The following ASTN2 variants were observed in gnomAD, a reference collection of about 807,000 sequenced individuals.
ASTN2 encodes astrotactin 2, also known as astrotactin-2.
ASTN2 carries 54 observed loss-of-function variants against 139.8 expected under a neutral mutation model. The ratio of observed to expected loss-of-function variants is 0.39; its 90% CI spans 0.31 to 0.48. ASTN2 has a LOEUF of 0.48. ASTN2 is among the 20% of genes least tolerant of loss of function. The pLI is 0.95. For missense variants in ASTN2, 1,565 were observed against 1,725.1 expected (o/e 0.91, Z 1.64); for synonymous variants, 756 against 719.5 (o/e 1.05, Z -0.81).
intron 16 of ASTN2, among the ~76,000 whole-genome samples, chr9:116,715,295 A>G (rs1308742702): frequency 6.6e-6 from 1 of 152,162 alleles, no homozygotes; most frequent in Non-Finnish European, 1.5e-5. Context: ...ACTGAGGCCC[A>G]GTGACATTCA....
At chr9:117,401,075 A>C (rs569175941) in intron 1 of ASTN2, among the ~76,000 whole-genome samples, 1 of 152,332 alleles carries the variant, frequency 6.6e-6, no homozygotes, top group South Asian at 2.1e-4. Flanking sequence ...AGTGCCGGGT[A>C]CTGCTGAACA....
chr9:116,492,729 CTG>C (rs1849554489), intron 19 of ASTN2, among the ~76,000 whole-genome samples: 1 of 152,204 alleles, frequency 6.6e-6, no homozygotes, highest in South Asian at 2.1e-4. Context: ...GCACCAGACA[CTG>C]TGCTAGGTAC....
intron 19 of ASTN2, chr9:116,568,395 G>A (rs963537588): frequency 6.6e-6 from 1 of 152,056 alleles, no homozygotes; most frequent in Admixed American, 6.6e-5. Context: ...ATGTTAAGTA[G>A]ATGAAAGACC....
At chr9:117,384,445 G>T (rs1483009598) in intron 1 of ASTN2, among the ~76,000 whole-genome samples, 1 of 152,186 alleles carries the variant, frequency 6.6e-6, no homozygotes, top group East Asian at 1.9e-4. Flanking sequence ...TTTGCTACCA[G>T]ATAAATGACT....
chr9:117,247,287 G>A (rs545610381), intron 2 of ASTN2, among the ~76,000 whole-genome samples: 2 of 152,306 alleles, frequency 1.3e-5, no homozygotes, highest in South Asian at 4.1e-4. Flanking sequence ...TTAACTTAGG[G>A]TCTTTTGAGG....
chr9:117,298,096 T>A (rs1834780662), intron 1 of ASTN2, among the ~76,000 whole-genome samples: 1 of 152,220 alleles, frequency 6.6e-6, no homozygotes, highest in African/African-American at 2.4e-5. Flanking sequence ...ACTGACCATA[T>A]AATTCCATTG....
At chr9:116,472,929 A>AG (rs1564300907) in intron 20 of ASTN2, among the ~76,000 whole-genome samples, 1 of 8,712 alleles carries the variant, frequency 1.1e-4, no homozygotes, top group East Asian at 0.014. Flanking sequence ...TCTGTCTTGG[A>AG]AAAAAAAAAA....
At chr9:117,153,529 G>A (rs538383996) in intron 3 of ASTN2, among the ~76,000 whole-genome samples, 6 of 152,192 alleles carry the variant, frequency 3.9e-5, no homozygotes, top group East Asian at 3.9e-4. Flanking sequence ...TTATAAATGC[G>A]TGAGTGAGGC....
chr9:116,855,052 T>G (rs531645632), intron 11 of ASTN2, among the ~76,000 whole-genome samples: 1 of 152,070 alleles, frequency 6.6e-6, no homozygotes, highest in African/African-American at 2.4e-5. Context: ...TAACAGATAA[T>G]GACTTCCACA....
chr9:116,872,611 C>A (rs1833195199), intron 10 of ASTN2, among the ~76,000 whole-genome samples: 1 of 152,080 alleles, frequency 6.6e-6, no homozygotes, highest in South Asian at 2.1e-4. Flanking sequence ...ATAAGTGAGG[C>A]CACAGGACCA....
chr9:116,432,089 G>A (rs939212599), intron 22 of ASTN2, among the ~76,000 whole-genome samples: 1 of 152,136 alleles, frequency 6.6e-6, no homozygotes, highest in East Asian at 1.9e-4. Context: ...AAAGGCATGA[G>A]AGCCTTGATT....
intron 1 of ASTN2, among the ~76,000 whole-genome samples, chr9:117,385,267 G>C (rs1042125297): frequency 6.6e-6 from 1 of 152,094 alleles, no homozygotes; most frequent in African/African-American, 2.4e-5. Context: ...TAGGATTATA[G>C]GCATAAACCA....
Position 117,133,867 on chromosome 9 carries a change from C to T in ASTN2, c.1168+7459G>A, listed in dbSNP as rs112903700. ...AGGAAGAAGTTCAAGCTGCAAAAAGCGCATAGAGGTGGAGGTAAAAGGAGT... is the reference window on the plus strand; with the variant it reads ...AGGAAGAAGTTCAAGCTGCAAAAAGTGCATAGAGGTGGAGGTAAAAGGAGT... On this transcript the variant is annotated intron_variant, in intron 4 of 22. Transcript: ENST00000313400. Among the ~76,000 whole-genome samples the T allele has an allele frequency of 1.6e-4, 24 of 152,108 alleles. No homozygotes were observed. In the South Asian group the frequency reaches 1.9e-3, roughly 12 times the overall value.
At chr9:117,231,257 C>T (rs754188863) in intron 2 of ASTN2, among the ~76,000 whole-genome samples, 16 of 152,210 alleles carry the variant, frequency 1.1e-4, no homozygotes, top group Non-Finnish European at 2.2e-4. Context: ...AGAGCCAGGA[C>T]TATTGCCAAG....
chr9:117,359,691 C>T (rs780650430), intron 1 of ASTN2, among the ~76,000 whole-genome samples: 3 of 151,324 alleles, frequency 2.0e-5, no homozygotes, highest in South Asian at 2.1e-4. Flanking sequence ...ATTCTAATGT[C>T]GTCTATACAT....
At chr9:116,729,691 A>G (rs965608788) in intron 14 of ASTN2, among the ~76,000 whole-genome samples, 1 of 152,250 alleles carries the variant, frequency 6.6e-6, no homozygotes, top group Non-Finnish European at 1.5e-5. Context: ...TATGTAGACT[A>G]TCATTTCTTA....
At chr9:116,577,610 T>C (rs1408998443) in intron 19 of ASTN2, among the ~76,000 whole-genome samples, 1 of 152,032 alleles carries the variant, frequency 6.6e-6, no homozygotes, top group East Asian at 1.9e-4. Context: ...ATGAAAACAG[T>C]GTCTGAGTTG....
chr9:117,202,168 C>CT (rs1212324408), intron 3 of ASTN2, among the ~76,000 whole-genome samples: 1 of 151,944 alleles, frequency 6.6e-6, no homozygotes, highest in Non-Finnish European at 1.5e-5. Context: ...CAATCCCTGC[C>CT]TTTTTTTGTT....
At chr9:117,360,378 CGAGCTGGTAGTCAGA>C (rs1405415025) in intron 1 of ASTN2, among the ~76,000 whole-genome samples, 2 of 151,956 alleles carry the variant, frequency 1.3e-5, no homozygotes, top group African/African-American at 4.8e-5. Context: ...GGTGTCTAAC[CGAGCTGGTAGTCAGA>C]GAGGGCCTCT....
Sources: allele counts gnomAD v4.1 joint callset (sites outside exome capture counted in the v4.1 genomes callset), GRCh38; gene constraint gnomAD v4.1.1; transcripts MANE v1.5; gene names NCBI Gene and HGNC (gene_info 2026-07-23, HGNC 2026-07-21).